Variants in SDC2 observed in about 807,000 individuals in gnomAD.
The protein encoded by SDC2 is syndecan-2.
In SDC2, 13 loss-of-function variants were observed where a neutral mutation model predicts 22.2. The ratio of observed to expected loss-of-function variants is 0.59; its 90% CI spans 0.38 to 0.93. The LOEUF is 0.93. Among genes scored for constraint, SDC2 ranks in the 40% least tolerant of loss-of-function variants. The pLI, the probability that SDC2 is intolerant of heterozygous loss-of-function variation, is 0.00. For missense variants in SDC2, 235 were observed against 246.8 expected, an observed-to-expected ratio of 0.95 and a Z score of 0.32; for synonymous variants, 94 against 92.8, an observed-to-expected ratio of 1.01 and a Z score of -0.07.
At chr8:96,545,236 A>G (rs1023623000) in intron 1 of SDC2, among the ~76,000 whole-genome samples, 2 of 152,210 alleles carry the variant, frequency 1.3e-5, no homozygotes, top group Non-Finnish European at 2.9e-5. Context: ...AAGACTTTTG[A>G]TAGTTTTCAG....
chr8:96,533,024 G>GC (rs1813691516), intron 1 of SDC2, among the ~76,000 whole-genome samples: 1 of 152,194 alleles, frequency 6.6e-6, no homozygotes, highest in Admixed American at 6.5e-5. Context: ...CTTAAAGGCA[G>GC]CGTGTCCAGA....
intron 2 of SDC2, among the ~76,000 whole-genome samples, chr8:96,596,936 G>T (rs1420927227): frequency 6.6e-6 from 1 of 152,142 alleles, no homozygotes; most frequent in Non-Finnish European, 1.5e-5. Context: ...CCTAGGAATT[G>T]GTGGCATTCA....
chr8:96,592,641 T>C (rs1814801400), intron 1 of SDC2, among the ~76,000 whole-genome samples: 1 of 152,210 alleles, frequency 6.6e-6, no homozygotes, highest in African/African-American at 2.4e-5. Flanking sequence ...GGTTGAATTT[T>C]AATACTAAAC....
intron 1 of SDC2, among the ~76,000 whole-genome samples, chr8:96,519,903 C>G (rs1813468761): frequency 6.6e-6 from 1 of 152,172 alleles, no homozygotes; most frequent in Admixed American, 6.5e-5. Context: ...GCTGGGATTA[C>G]AGGTGCGAGC....
At chr8:96,502,730 A>G (rs115623650) in intron 1 of SDC2, among the ~76,000 whole-genome samples, 2,154 of 152,274 alleles carry the variant, frequency 0.014, 50 homozygotes, top group African/African-American at 0.049. Flanking sequence ...ACCTTGGGCA[A>G]GTTTTTTAAC....
intron 1 of SDC2, among the ~76,000 whole-genome samples, chr8:96,556,361 C>T (rs915426479): frequency 1.5e-5 from 2 of 132,746 alleles, no homozygotes; most frequent in Non-Finnish European, 3.1e-5. Flanking sequence ...AAATACTTTG[C>T]CACATGTCTG....
chr8:96,509,824 C>CA (rs1311354301), intron 1 of SDC2, among the ~76,000 whole-genome samples: 2 of 152,226 alleles, frequency 1.3e-5, no homozygotes, highest in Non-Finnish European at 2.9e-5. Flanking sequence ...TTCCAGGACT[C>CA]ATCTGCTGCC....
chr8:96,595,284 G>T lies in SDC2; in HGVS notation c.172+1693G>T, dbSNP rs768321923. On this transcript the variant is annotated intron_variant, in intron 2 of 4. Coordinates refer to ENST00000302190, the MANE Select transcript of SDC2 (RefSeq NM_002998.4). ...CAGTTGTGTCTTTGGTAGAAATCTA[G>T]CCATGTAAGAGTGAATGTTTTAAGT... Among the ~76,000 whole-genome samples the T allele has an allele frequency of 2.0e-5, 3 of 152,152 alleles. No individual in the cohort carries two copies. The South Asian group carries it at 6.2e-4, about 32-fold the overall frequency.
At chr8:96,528,981 A>G (rs983728185) in intron 1 of SDC2, among the ~76,000 whole-genome samples, 1 of 152,230 alleles carries the variant, frequency 6.6e-6, no homozygotes, top group Non-Finnish European at 1.5e-5. Context: ...GGGTTGGGTT[A>G]GATCAGTTTC....
At position 96,531,648 on chromosome 8, in the gene SDC2, C is replaced by G. The variant is rs57625811; in HGVS notation, c.60+37317C>G. On this transcript the variant is annotated intron_variant, in intron 1 of 4. Coordinates refer to ENST00000302190, the MANE Select transcript of SDC2 (RefSeq NM_002998.4). The stretch of plus-strand genomic sequence containing the variant: ...AAATTGTAAACATTTTAATGACTCA[C>G]CACTACCTCCATCCTTAGATTTCTT... Among the ~76,000 whole-genome samples, 666 of 152,292 alleles carry G rather than the reference C, an allele frequency of 4.4e-3. 4 individuals are homozygous for G. The highest frequency in any genetic ancestry group is 0.014 in the African/African-American group (590 of 41,566).
rs1467694710 is a variant in SDC2 at position 96,609,836 on chromosome 8, GA to G, written c.*289del. On this transcript the variant is annotated 3_prime_UTR_variant, in exon 5 of 5. Coordinates refer to ENST00000302190, the MANE Select transcript of SDC2 (RefSeq NM_002998.4). ...AAACTTTTATGCGCAAATACAAAAT[GA>G]TTGTCTTTTTCCTATGACTCAAAGA... 8.8e-6 allele frequency: 2 copies of G among 226,374 alleles called. No individual in the cohort carries two copies. Among genetic ancestry groups the G allele is most frequent in the African/African-American group, 4.5e-5 (2 of 44,282 alleles). The allele number at this position is 226,374 out of a possible 1,614,324, so 14.0% of individuals were successfully genotyped here.
intron 1 of SDC2, among the ~76,000 whole-genome samples, chr8:96,579,723 T>A (rs1279442381): frequency 1.3e-5 from 2 of 152,254 alleles, no homozygotes; most frequent in African/African-American, 4.8e-5. Context: ...TTAATCAGTA[T>A]TTAACAATTA....
chr8:96,559,642 C>A (rs577281101), intron 1 of SDC2, among the ~76,000 whole-genome samples: 1 of 152,268 alleles, frequency 6.6e-6, no homozygotes, highest in South Asian at 2.1e-4. Context: ...GTGATTCAAC[C>A]TTTGTAAATA....
intron 1 of SDC2, among the ~76,000 whole-genome samples, chr8:96,552,094 G>T (rs996089931): frequency 2.6e-5 from 4 of 152,326 alleles, no homozygotes; most frequent in Admixed American, 2.6e-4. Context: ...TGTGTGTTTG[G>T]CTTGCCTCTG....
At chr8:96,563,536 C>G (rs1814246580) in intron 1 of SDC2, among the ~76,000 whole-genome samples, 1 of 152,286 alleles carries the variant, frequency 6.6e-6, no homozygotes, top group Admixed American at 6.5e-5. Flanking sequence ...GTATCAGACT[C>G]CACATGGAGG....
chr8:96,517,543 T>A (rs1263691395), intron 1 of SDC2, among the ~76,000 whole-genome samples: 1 of 152,170 alleles, frequency 6.6e-6, no homozygotes, highest in Non-Finnish European at 1.5e-5. Flanking sequence ...ATTTTCTTCT[T>A]TATGCATGTG....
At chr8:96,551,311 G>A (rs1230166786) in intron 1 of SDC2, among the ~76,000 whole-genome samples, 2 of 152,136 alleles carry the variant, frequency 1.3e-5, no homozygotes, top group African/African-American at 2.4e-5. Flanking sequence ...TTTCCTAATC[G>A]AAACTCACCT....
At chr8:96,592,126 C>T (rs1814791122) in intron 1 of SDC2, among the ~76,000 whole-genome samples, 1 of 152,220 alleles carries the variant, frequency 6.6e-6, no homozygotes, top group South Asian at 2.1e-4. Context: ...TTTCAGTTCT[C>T]AGAATCCACC....
chr8:96,573,417 G>A (rs976040437), intron 1 of SDC2, among the ~76,000 whole-genome samples: 5 of 34,844 alleles, frequency 1.4e-4, no homozygotes, highest in Non-Finnish European at 3.0e-4. Context: ...GGATTGCTAA[G>A]GCTCAGGTTC....
Sources: allele counts gnomAD v4.1 joint callset (sites outside exome capture counted in the v4.1 genomes callset), GRCh38; gene constraint gnomAD v4.1.1; transcripts MANE v1.5; gene names NCBI Gene and HGNC (gene_info 2026-07-23, HGNC 2026-07-21).